The following CELF4 variants were observed in gnomAD, a reference collection of about 807,000 sequenced individuals.
The protein encoded by CELF4 is CUGBP Elav-like family member 4.
Under a neutral mutation model 59.9 loss-of-function variants are expected in CELF4, and 18 were observed. The observed-to-expected ratio is 0.30, with a 90% CI of 0.21 to 0.45. CELF4 has a LOEUF of 0.45. Ranked by LOEUF, CELF4 falls within the 20% of genes least tolerant of loss-of-function variation. The pLI is 1.00. For synonymous variants in CELF4, 261 were observed against 267.1 expected (o/e 0.98, Z 0.22); for missense variants, 456 against 689.0 (o/e 0.66, Z 3.79).
chr18:37,458,070 A>G (rs1229347526), intron 2 of CELF4, among the ~76,000 whole-genome samples: 1 of 152,124 alleles, frequency 6.6e-6, no homozygotes, highest in African/African-American at 2.4e-5. Flanking sequence ...ATAAGTTTTA[A>G]TGATGGGACT....
chr18:37,471,718 GCC>G (rs1194302084), intron 2 of CELF4, among the ~76,000 whole-genome samples: 2 of 152,176 alleles, frequency 1.3e-5, no homozygotes, highest in African/African-American at 4.8e-5. Context: ...CAGGAGGGAA[GCC>G]CCAGGGGCAG....
chr18:37,296,987 A>G (rs2095683975), intron 3 of CELF4, among the ~76,000 whole-genome samples: 1 of 152,144 alleles, frequency 6.6e-6, no homozygotes, highest in Non-Finnish European at 1.5e-5. Flanking sequence ...CTGAGGCCAG[A>G]CTGGGCAAGC....
intron 2 of CELF4, among the ~76,000 whole-genome samples, chr18:37,353,749 C>CGG (rs369159050): frequency 6.1e-4 from 12 of 19,526 alleles, no homozygotes; most frequent in African/African-American, 2.6e-3. Flanking sequence ...CTGGTGGGGG[C>CGG]GGGGGGGGCA....
chr18:37,324,624 C>T (rs1194405443), intron 2 of CELF4, among the ~76,000 whole-genome samples: 1 of 152,158 alleles, frequency 6.6e-6, no homozygotes, highest in Admixed American at 6.5e-5. Context: ...GGTTGGTACC[C>T]CATTGGGAAG....
At chr18:37,458,928 G>A (rs533137016) in intron 2 of CELF4, among the ~76,000 whole-genome samples, 5 of 152,208 alleles carry the variant, frequency 3.3e-5, no homozygotes, top group African/African-American at 4.8e-5. Context: ...TTTTGTAGAC[G>A]CTAAGCTTGC....
intron 2 of CELF4, among the ~76,000 whole-genome samples, chr18:37,381,110 T>TCATC (rs373054331): frequency 0.066 from 8,895 of 134,562 alleles, 331 homozygotes; most frequent in Middle Eastern, 0.092. Flanking sequence ...CCATCCACCA[T>TCATC]CATCCATCCA....
chr18:37,280,823 G>A (rs73423188), intron 3 of CELF4, among the ~76,000 whole-genome samples: 4,939 of 152,288 alleles, frequency 0.032, 146 homozygotes, highest in East Asian at 0.16. Context: ...TTCCACCAAC[G>A]CATACATCAC....
At chr18:37,538,467 C>T (rs2099975360) in intron 1 of CELF4, among the ~76,000 whole-genome samples, 1 of 152,182 alleles carries the variant, frequency 6.6e-6, no homozygotes, top group Non-Finnish European at 1.5e-5. Flanking sequence ...CTCTCGACTC[C>T]TTCAGGGCAG....
intron 2 of CELF4, among the ~76,000 whole-genome samples, chr18:37,389,520 A>C (rs1203288551): frequency 6.6e-6 from 1 of 152,198 alleles, no homozygotes; most frequent in African/African-American, 2.4e-5. Flanking sequence ...TTGACAAGAA[A>C]GCACCAAATT....
chr18:37,347,308 G>A (rs577453195), intron 2 of CELF4, among the ~76,000 whole-genome samples: 12 of 152,208 alleles, frequency 7.9e-5, no homozygotes, highest in African/African-American at 2.6e-4. Flanking sequence ...CAGTGGCCAC[G>A]AAGGGAAGAT....
chr18:37,443,652 C>T (rs922932281), intron 2 of CELF4, among the ~76,000 whole-genome samples: 7 of 152,124 alleles, frequency 4.6e-5, no homozygotes, highest in African/African-American at 1.7e-4. Context: ...CCAGGCTTCC[C>T]TGCCCACATC....
intron 1 of CELF4, among the ~76,000 whole-genome samples, chr18:37,540,496 C>T (rs939677426): frequency 4.6e-5 from 7 of 152,132 alleles, no homozygotes; most frequent in South Asian, 2.1e-4. Flanking sequence ...CGAGCCAGCA[C>T]GGTCAGGCTG....
In CELF4 at chr18:37,246,077, A is replaced by G. The variant is rs1474669484; in HGVS notation, c.*45-880T>C. 6.6e-6 allele frequency among the ~76,000 whole-genome samples: 1 copy of G among 152,236 alleles called. No individual in the cohort carries two copies. The highest frequency in any genetic ancestry group is 1.5e-5 in the Non-Finnish European group (1 of 68,042). The stretch of plus-strand genomic sequence containing the variant: ...AGAATCAGAAGGCGAATGCTTAATC[A>G]TTGTGAATTAACAAATGAGACTCAT... On this transcript the variant is annotated intron_variant, in intron 12 of 12. Transcript: ENST00000420428. The surrounding 1 kb of genome is among the most constrained non-coding windows in gnomAD (Gnocchi z 5.3).
intron 3 of CELF4, among the ~76,000 whole-genome samples, chr18:37,281,274 G>C (rs554693509): frequency 6.6e-6 from 1 of 152,338 alleles, no homozygotes; most frequent in East Asian, 1.9e-4. Flanking sequence ...ACTACCACTT[G>C]ACTCGCCAAA....
At chr18:37,366,228 A>G (rs2098780868) in intron 2 of CELF4, among the ~76,000 whole-genome samples, 1 of 152,180 alleles carries the variant, frequency 6.6e-6, no homozygotes, top group African/African-American at 2.4e-5. Context: ...GGGGCTGGAA[A>G]AGCTATAGCG....
At position 37,420,546 on chromosome 18, in the gene CELF4, T is replaced by A. The variant is rs144804955; in HGVS notation, c.369+64979A>T. On this transcript the variant is annotated intron_variant, in intron 2 of 12. Transcript: ENST00000420428. The stretch of plus-strand genomic sequence containing the variant: ...TGGGACCCGTGCTGGGAGCACTGGG[T>A]GGAGGGGCACTCTGTCTACCTCCTG... Among the ~76,000 whole-genome samples the A allele has an allele frequency of 4.6e-5, 7 of 152,068 alleles. No individual in the cohort carries two copies. The East Asian group carries it at 1.3e-3, about 29-fold the overall frequency.
chr18:37,377,338 C>A (rs1017082419), intron 2 of CELF4, among the ~76,000 whole-genome samples: 3 of 152,136 alleles, frequency 2.0e-5, no homozygotes, highest in Non-Finnish European at 2.9e-5. Context: ...GGAGTCCAAC[C>A]CTGGCTGCAT....
At chr18:37,412,377 T>C (rs1410870199) in intron 2 of CELF4, among the ~76,000 whole-genome samples, 2 of 152,222 alleles carry the variant, frequency 1.3e-5, no homozygotes, top group African/African-American at 4.8e-5. Flanking sequence ...ATGTTTCTTC[T>C]TGCCCTCACC....
intron 1 of CELF4, among the ~76,000 whole-genome samples, chr18:37,518,460 T>G (rs1048695970): frequency 1.3e-5 from 2 of 152,102 alleles, no homozygotes; most frequent in African/African-American, 4.8e-5. Context: ...AAACAGATAT[T>G]GGTGACACAG....
Sources: gnomAD v4.1 joint callset for allele counts (sites outside exome capture counted in the v4.1 genomes callset) on GRCh38, gnomAD v4.1.1 for gene constraint, Gnocchi (gnomAD v3.1) non-coding constraint, MANE v1.5 for transcripts, NCBI Gene and HGNC (gene_info 2026-07-23, HGNC 2026-07-21) for gene names.